TLN2: variants seen among roughly 807,000 people sequenced by gnomAD.
TLN2 encodes the protein talin-2.
Under a neutral mutation model 294.7 loss-of-function variants are expected in TLN2, and 118 were observed. The observed-to-expected ratio is 0.40, with a 90% CI of 0.34 to 0.47. The LOEUF is 0.47. TLN2 is among the 20% of genes least tolerant of loss of function. The probability of loss-of-function intolerance (pLI) is 0.84; values close to 1 mark genes in which losing one functional copy is unlikely to be tolerated. For missense variants in TLN2, 3,083 were observed against 3,282.2 expected, an observed-to-expected ratio of 0.94 and a Z score of 1.48; for synonymous variants, 1,431 against 1,304.5, an observed-to-expected ratio of 1.10 and a Z score of -2.09.
In TLN2 at chr15:62,796,284, C is replaced by A. The variant is rs1184318703; in HGVS notation, c.6041C>A (p.Ala2014Glu). 4 of 1,613,628 alleles carry A rather than the reference C, an allele frequency of 2.5e-6. No individual in the cohort carries two copies. Among genetic ancestry groups the A allele is most frequent in the African/African-American group, 1.3e-5 (1 of 75,062 alleles). ...AATGCAGAGAACAGTGAGACCTTCG[C>A]AGACCACAGGTACGTGGGGGTCCTG... ...TLNAENSETFADHRENILKTA... is the reference protein window; with the variant it reads ...TLNAENSETFEDHRENILKTA... Residue 2014 changes from alanine to glutamate, a missense_variant, in exon 47 of 59, where the codon GCA becomes GAA. Transcript: ENST00000636159.
At chr15:62,434,823 C>T (rs967117526) in intron 1 of TLN2, among the ~76,000 whole-genome samples, 1 of 152,192 alleles carries the variant, frequency 6.6e-6, no homozygotes, top group African/African-American at 2.4e-5. Flanking sequence ...AGGTTTGTTA[C>T]ATAGGTAAAT....
intron 1 of TLN2, among the ~76,000 whole-genome samples, chr15:62,462,234 A>G (rs948696806): frequency 2.0e-5 from 3 of 152,240 alleles, no homozygotes; most frequent in Admixed American, 2.0e-4. Flanking sequence ...ACTCTGTCTC[A>G]AAAACATAAA....
Position 62,667,275 on chromosome 15 carries a change from A to G in TLN2, c.789-6552A>G, listed in dbSNP as rs894998981. On this transcript the variant is annotated intron_variant, in intron 9 of 58. Transcript: ENST00000636159. Reference sequence around the variant, plus strand: ...GCCACCGTGCCTGGCGAACACTGGCATTTCTGTCACATTCCCAGGTGGATG... The same window carrying G: ...GCCACCGTGCCTGGCGAACACTGGCGTTTCTGTCACATTCCCAGGTGGATG... Among the ~76,000 whole-genome samples the G allele has an allele frequency of 7.1e-4, 108 of 152,264 alleles. 2 individuals carry two copies. Among genetic ancestry groups the G allele is most frequent in the South Asian group, 4.1e-4 (2 of 4,820 alleles).
In TLN2 at chr15:62,417,646, G is replaced by A. The variant is rs182972708; in HGVS notation, c.-238+26961G>A. 3.0e-3 allele frequency among the ~76,000 whole-genome samples: 455 copies of A among 152,310 alleles called. 6 individuals carry two copies. In the Middle Eastern group the frequency reaches 0.041, roughly 14 times the overall value. ...CTGAGTTCAGGAAGAACTGAATCGAGTCTGCAAGGAGGTTTGTGAATTTAG... is the reference window on the plus strand; with the variant it reads ...CTGAGTTCAGGAAGAACTGAATCGAATCTGCAAGGAGGTTTGTGAATTTAG... On this transcript the variant is annotated intron_variant, in intron 1 of 58. Coordinates refer to ENST00000636159, the MANE Select transcript of TLN2 (RefSeq NM_015059.3).
chr15:62,435,295 C>T (rs945624237), intron 1 of TLN2, among the ~76,000 whole-genome samples: 203 of 152,270 alleles, frequency 1.3e-3, no homozygotes, highest in African/African-American at 4.5e-3. Context: ...AATGGGATTG[C>T]TGGGTCAAAT....
Position 62,785,525 on chromosome 15 carries a change from G to A in TLN2, c.5736+1635G>A, listed in dbSNP as rs530190837. Among the ~76,000 whole-genome samples the A allele has an allele frequency of 7.4e-4, 113 of 152,186 alleles. 1 individual carries two copies. The highest frequency in any genetic ancestry group is 2.6e-3 in the African/African-American group (108 of 41,516). On this transcript the variant is annotated intron_variant, in intron 45 of 58. Transcript: ENST00000636159. ...AAAAATACTGGGCGTGATGGTGTGC[G>A]CCTGTAATCCCAGCTACTTAGAAGG...
chr15:62,713,389 G>A (rs1418603697), intron 22 of TLN2, among the ~76,000 whole-genome samples: 4 of 150,952 alleles, frequency 2.6e-5, no homozygotes, highest in African/African-American at 4.9e-5. Context: ...CACTTAAAAT[G>A]TATTGTGGGC....
chr15:62,830,063 T>C (rs2068640412), intron 54 of TLN2: 1 of 152,104 alleles, frequency 6.6e-6, no homozygotes, highest in South Asian at 2.1e-4. Context: ...CCAGTAGTTA[T>C]AGAGAAACAT....
At chr15:62,563,269 A>T (rs2043130410) in intron 1 of TLN2, among the ~76,000 whole-genome samples, 1 of 151,822 alleles carries the variant, frequency 6.6e-6, no homozygotes, top group Non-Finnish European at 1.5e-5. Context: ...TATGTTTTTT[A>T]TTTTTTGATT....
At chr15:62,723,842 A>T (rs1342540241) in intron 26 of TLN2, among the ~76,000 whole-genome samples, 1 of 151,282 alleles carries the variant, frequency 6.6e-6, no homozygotes, top group Non-Finnish European at 1.5e-5. Flanking sequence ...GAGCCACTGC[A>T]CCCGGCAATA....
intron 48 of TLN2, among the ~76,000 whole-genome samples, chr15:62,798,018 A>G (rs570753456): frequency 6.6e-6 from 1 of 152,330 alleles, no homozygotes; most frequent in African/African-American, 2.4e-5. Context: ...AGCCGCGGGC[A>G]TCATGTTGCC....
chr15:62,397,031 C>T lies in TLN2; in HGVS notation c.-238+6346C>T, dbSNP rs1351881216. Among the ~76,000 whole-genome samples, 4 of 152,124 alleles carry T rather than the reference C, an allele frequency of 2.6e-5. No individual in the cohort carries two copies. In the East Asian group the frequency reaches 7.7e-4, roughly 29 times the overall value. ...GAGAAGCCTTTCTAGATAGCAGCAG[C>T]ATCTCCTCAAACTTGGTTTTCCTAA... On this transcript the variant is annotated intron_variant, in intron 1 of 58. Coordinates refer to ENST00000636159, the MANE Select transcript of TLN2 (RefSeq NM_015059.3).
chr15:62,428,433 T>G (rs754842849), intron 1 of TLN2, among the ~76,000 whole-genome samples: 1 of 152,256 alleles, frequency 6.6e-6, no homozygotes, highest in Non-Finnish European at 1.5e-5. Context: ...ACGTAATGTT[T>G]GTCCCTCTAG....
intron 1 of TLN2, among the ~76,000 whole-genome samples, chr15:62,577,565 G>T (rs1305187435): frequency 6.6e-6 from 1 of 152,164 alleles, no homozygotes; most frequent in East Asian, 1.9e-4. Context: ...AGTGATTTCT[G>T]GGAAGGAATT....
intron 1 of TLN2, among the ~76,000 whole-genome samples, chr15:62,559,318 C>T (rs549558806): frequency 6.6e-6 from 1 of 152,290 alleles, no homozygotes; most frequent in Non-Finnish European, 1.5e-5. Context: ...ATCTAAGTAA[C>T]TGAGGCCAGC....
At chr15:62,520,107 C>T (rs2040385106) in intron 1 of TLN2, among the ~76,000 whole-genome samples, 2 of 152,188 alleles carry the variant, frequency 1.3e-5, no homozygotes, top group Admixed American at 1.3e-4. Flanking sequence ...TTGGGGAAAC[C>T]ACCACCATGA....
At chr15:62,560,210 C>A (rs1272279715) in intron 1 of TLN2, among the ~76,000 whole-genome samples, 1 of 152,180 alleles carries the variant, frequency 6.6e-6, no homozygotes, top group Non-Finnish European at 1.5e-5. Flanking sequence ...GAAAATGATT[C>A]ATCCTATTTT....
intron 20 of TLN2, 77 bp downstream of exon 20, chr15:62,707,330 C>T: frequency 4.8e-6 from 7 of 1,467,488 alleles, no homozygotes; most frequent in South Asian, 1.5e-5. Flanking sequence ...TGGTGTGTAG[C>T]AGGGGCAGAA....
chr15:62,726,552 C>G (rs1434737797), intron 27 of TLN2, among the ~76,000 whole-genome samples: 1 of 152,162 alleles, frequency 6.6e-6, no homozygotes, highest in East Asian at 1.9e-4. Flanking sequence ...CTCCAACCCT[C>G]TATTTCTATT....
Sources: gnomAD v4.1 joint callset for allele counts (sites outside exome capture counted in the v4.1 genomes callset) on GRCh38, gnomAD v4.1.1 for gene constraint, MANE v1.5 for transcripts, NCBI Gene and HGNC (gene_info 2026-07-23, HGNC 2026-07-21) for gene names.